The following ANKRD11 variants were observed in gnomAD, a reference collection of about 807,000 sequenced individuals.
The protein encoded by ANKRD11 is ankyrin repeat domain-containing protein 11.
Under a neutral mutation model 195.7 loss-of-function variants are expected in ANKRD11, and 17 were observed. That is an observed-to-expected ratio of 0.09 (90% CI 0.06 to 0.13). The LOEUF is 0.13. ANKRD11 is among the 10% of genes least tolerant of loss of function. The pLI, the probability that ANKRD11 is intolerant of heterozygous loss-of-function variation, is 1.00. For synonymous variants in ANKRD11, 1,953 were observed against 1,528.1 expected (o/e 1.28, Z -6.49); for missense variants, 3,735 against 3,566.1 (o/e 1.05, Z -1.21).
intron 1 of ANKRD11, among the ~76,000 whole-genome samples, chr16:89,448,943 A>T (rs2043932121): frequency 6.6e-6 from 1 of 152,210 alleles, no homozygotes. Flanking sequence ...ACTTGCCCAT[A>T]TCACCATTGT....
chr16:89,430,500 T>C (rs1447710766), intron 1 of ANKRD11, among the ~76,000 whole-genome samples: 1 of 151,516 alleles, frequency 6.6e-6, no homozygotes, highest in Non-Finnish European at 1.5e-5. Flanking sequence ...GCTCAGTCGT[T>C]CTAGTACACA....
rs377264059 is a variant in ANKRD11, at chr16:89,281,517, G to A, written c.5025C>T (p.Asp1675=). 2 of 1,614,242 alleles carry A rather than the reference G, an allele frequency of 1.2e-6. No individual in the cohort carries two copies. Among genetic ancestry groups the A allele is most frequent in the East Asian group, 2.2e-5 (1 of 44,880 alleles). ...GAGGGCCTGCCAGCCAGTCTTTGGA[G>A]TCTGCACCTGATGCTGGGTGTAGCT... ...ENKLHPASGA[D]SKDWLAGPHM... is the part of the protein sequence containing the mutation. Residue 1675 remains aspartate (D), a synonymous_variant, in exon 9 of 13, where the codon GAC becomes GAT. Transcript: ENST00000301030. The surrounding 1 kb of genome is among the most constrained non-coding windows in gnomAD (Gnocchi z 5.5).
intron 4 of ANKRD11, among the ~76,000 whole-genome samples, chr16:89,295,885 G>A (rs1470290893): frequency 8.5e-5 from 10 of 116,982 alleles, no homozygotes; most frequent in African/African-American, 3.0e-4. Context: ...GATGTGGGGG[G>A]CCTGCAACCT....
intron 1 of ANKRD11, chr16:89,422,015 G>C (rs2042530868): frequency 6.6e-6 from 1 of 152,228 alleles, no homozygotes; most frequent in African/African-American, 2.4e-5. Flanking sequence ...GGCTCTCTCT[G>C]AATGGTGGAG....
chr16:89,375,765 T>TC (rs1309287927), intron 2 of ANKRD11, among the ~76,000 whole-genome samples: 13 of 85,988 alleles, frequency 1.5e-4, no homozygotes, highest in African/African-American at 5.6e-4. Context: ...CGACTCCGTC[T>TC]CTTAAAAAAA....
intron 8 of ANKRD11, 21 bp downstream of exon 8, chr16:89,286,018 G>A (rs1191570572): frequency 6.2e-7 from 1 of 1,614,110 alleles, no homozygotes; most frequent in Non-Finnish European, 8.5e-7. Flanking sequence ...AGAACAGGCA[G>A]CTCAGGTGGC....
At chr16:89,373,663 T>A (rs1256632107) in intron 2 of ANKRD11, among the ~76,000 whole-genome samples, 1 of 152,104 alleles carries the variant, frequency 6.6e-6, no homozygotes, top group East Asian at 1.9e-4. Context: ...AATGAAAACA[T>A]CATGTAACTC....
chr16:89,408,514 C>G (rs971219478), intron 2 of ANKRD11, among the ~76,000 whole-genome samples: 1 of 152,224 alleles, frequency 6.6e-6, no homozygotes, highest in South Asian at 2.1e-4. Flanking sequence ...TCTGGCACAC[C>G]GCAGGCCAGC....
chr16:89,442,888 C>A lies in ANKRD11; in HGVS notation c.-144-24520G>T, dbSNP rs376636692. On this transcript the variant is annotated intron_variant, in intron 1 of 12. Transcript: ENST00000301030. ...CACCTCCCACGGGCCCTGACACTGTCACTCAACACCTCACCACAGCACCCA... is the reference window on the plus strand; with the variant it reads ...CACCTCCCACGGGCCCTGACACTGTAACTCAACACCTCACCACAGCACCCA... Among the ~76,000 whole-genome samples the A allele has an allele frequency of 5.3e-5, 8 of 152,376 alleles. No homozygotes were observed. In the South Asian group the frequency reaches 1.4e-3, roughly 28 times the overall value.
chr16:89,323,418 T>A lies in ANKRD11; in HGVS notation c.-59-6340A>T, dbSNP rs147833008. ...AGCAAGCAGCCCAGGGCAGGGGGGC[T>A]GAGCCGAGGGCAGGGGGGCTGAGCC... is the stretch of plus-strand genomic sequence containing the variant. On this transcript the variant is annotated intron_variant, in intron 2 of 12. Coordinates refer to ENST00000301030, the MANE Select transcript of ANKRD11 (RefSeq NM_013275.6). The A allele has an allele frequency of 3.0e-3, 2,808 of 926,724 alleles. 73 individuals are homozygous for A. In the African/African-American group the frequency reaches 0.059, roughly 19 times the overall value. 57.4% of individuals were successfully genotyped at this position (926,724 alleles called of 1,614,324 possible).
In ANKRD11 at chr16:89,282,643, A is replaced by C. The variant is rs769519736; in HGVS notation, c.3899T>G (p.Ile1300Ser). ...HEYREDSNDK[I>S]SEVSSDSFTD... ...GAAGCTGTCAGAGGAGACCTCGCTG[A>C]TTTTATCGTTGGAGTCTTCTCTGTA... Residue 1300 changes from isoleucine to serine, a missense_variant, in exon 9 of 13, where the codon ATC becomes AGC. Ile to Ser is a moderately radical substitution (Grantham distance 142, BLOSUM62 -2). Coordinates refer to ENST00000301030, the MANE Select transcript of ANKRD11 (RefSeq NM_013275.6). The C allele has an allele frequency of 6.2e-7, 1 of 1,613,576 alleles. No homozygotes were observed. Among genetic ancestry groups the C allele is most frequent in the African/African-American group, 1.3e-5 (1 of 74,766 alleles).
Position 89,291,253 on chromosome 16 carries a change from A to AC in ANKRD11, c.227-71dup. 1 of 1,583,006 alleles carries AC rather than the reference A, an allele frequency of 6.3e-7. No individual in the cohort carries two copies. Among genetic ancestry groups the AC allele is most frequent in the Non-Finnish European group, 8.6e-7 (1 of 1,164,494 alleles). ...TGGTGTCCTCCAAAGCTAGGTCCTT[A>AC]CCTAATGTTACGGAGCCCCCTGCGT... is the stretch of plus-strand genomic sequence containing the variant. On this transcript the variant is annotated intron_variant, in intron 4 of 12. Transcript: ENST00000301030. This position sits in a 1 kb window ranked among gnomAD's most constrained non-coding sequence, Gnocchi z 5.3.
chr16:89,328,672 G>T (rs1354628867), intron 2 of ANKRD11, among the ~76,000 whole-genome samples: 9 of 150,318 alleles, frequency 6.0e-5, no homozygotes, highest in African/African-American at 2.2e-4. Flanking sequence ...CCTGCTGAGT[G>T]AGTGGACACA....
chr16:89,270,015 G>C (rs2032997604), intron 12 of ANKRD11: 1 of 152,624 alleles, frequency 6.6e-6, no homozygotes, highest in African/African-American at 2.4e-5. Flanking sequence ...AGTGGCCTGG[G>C]GAGGGTGTGG....
chr16:89,290,120 CA>C (rs1217279146), intron 6 of ANKRD11, among the ~76,000 whole-genome samples: 1 of 152,272 alleles, frequency 6.6e-6, no homozygotes, highest in African/African-American at 2.4e-5. Context: ...CAGGGAACCC[CA>C]CTGGAGTGAG....
rs559145116 is a variant in ANKRD11, at chr16:89,488,581, G to GA, written c.-145+1663dup. Among the ~76,000 whole-genome samples the GA allele has an allele frequency of 4.6e-5, 7 of 152,088 alleles. No homozygotes were observed. In the South Asian group the frequency reaches 1.5e-3, roughly 32 times the overall value. ...AAATCAAGGTCTCAGAGAAACCAAA[G>GA]AAACAGCCTCAGGGTCTCCGATTTT... On this transcript the variant is annotated intron_variant, in intron 1 of 12. Coordinates refer to ENST00000301030, the MANE Select transcript of ANKRD11 (RefSeq NM_013275.6).
intron 2 of ANKRD11, among the ~76,000 whole-genome samples, chr16:89,327,967 A>C (rs1360645096): frequency 6.6e-6 from 1 of 152,258 alleles, no homozygotes; most frequent in Non-Finnish European, 1.5e-5. Context: ...ACAGGGAAAA[A>C]TATCTGCAAA....
At chr16:89,443,934 C>CG (rs1296477398) in intron 1 of ANKRD11, among the ~76,000 whole-genome samples, 1 of 152,164 alleles carries the variant, frequency 6.6e-6, no homozygotes, top group Non-Finnish European at 1.5e-5. Context: ...GGGCCGGCGT[C>CG]AACACCGAAG....
intron 1 of ANKRD11, among the ~76,000 whole-genome samples, chr16:89,447,331 CA>C (rs2043839000): frequency 6.6e-6 from 1 of 152,136 alleles, no homozygotes; most frequent in African/African-American, 2.4e-5. Flanking sequence ...ACAAACACCC[CA>C]ACACCCTTTC....
Sources: allele counts gnomAD v4.1 joint callset (sites outside exome capture counted in the v4.1 genomes callset), GRCh38; gene constraint gnomAD v4.1.1; non-coding constraint Gnocchi (gnomAD v3.1); transcripts MANE v1.5; gene names NCBI Gene and HGNC (gene_info 2026-07-23, HGNC 2026-07-21).